The following INTS6 variants were observed in gnomAD, a reference collection of about 807,000 sequenced individuals.
INTS6 encodes DEAD box protein.
In INTS6, 16 loss-of-function variants were observed where a neutral mutation model predicts 104.9. The ratio of observed to expected loss-of-function variants is 0.15; its 90% confidence interval spans 0.10 to 0.23. The LOEUF (loss-of-function observed/expected upper bound fraction) is 0.23. Among genes scored for constraint, INTS6 ranks in the 10% least tolerant of loss-of-function variants. The pLI is 1.00. For synonymous variants in INTS6, 324 were observed against 358.7 expected (o/e 0.90, Z 1.09); for missense variants, 584 against 1,062.8 (o/e 0.55, Z 6.26).
Position 51,452,512 on chromosome 13 carries a change from A to T in INTS6, c.14T>A (p.Leu5Gln). Residue 5 changes from leucine to glutamine, a missense_variant, in exon 1 of 18, where the codon CTG (leucine) becomes CAG (glutamine). Leu to Gln is a moderately radical substitution (Grantham distance 113, BLOSUM62 -2). Around this residue, in one of 5 missense-constraint regions of INTS6, gnomAD observed 70 missense variants for 190.3 expected, o/e 0.37. Coordinates refer to ENST00000311234, the MANE Select transcript of INTS6 (RefSeq NM_012141.3). This position sits in a 1 kb window ranked among gnomAD's most constrained non-coding sequence, Gnocchi z 4.2. ...AGAGGCAGACGTGTCTATCAGGAACAGTAAGATGGGCATAGTGCTGGCCGG... is the reference window on the plus strand; with the variant it reads ...AGAGGCAGACGTGTCTATCAGGAACTGTAAGATGGGCATAGTGCTGGCCGG... MPILLFLIDTSASMN... is the reference protein window; with the variant it reads MPILQFLIDTSASMN... 1 of 1,611,118 alleles carries T rather than the reference A, an allele frequency of 6.2e-7. No homozygotes were observed. The highest frequency in any genetic ancestry group is 8.5e-7 in the Non-Finnish European group (1 of 1,178,098).
intron 10 of INTS6, 131 bp from the exon 11 acceptor site, chr13:51,379,703 T>C: frequency 2.1e-6 from 1 of 476,632 alleles, no homozygotes; most frequent in Non-Finnish European, 3.7e-6. Flanking sequence ...AGTAACACAA[T>C]CGTATTTATG....
At chr13:51,413,404 T>C (rs1956725809) in intron 4 of INTS6, among the ~76,000 whole-genome samples, 1 of 152,102 alleles carries the variant, frequency 6.6e-6, no homozygotes. Context: ...CTCCTTTTTG[T>C]ATTGTGATAG....
At chr13:51,353,725 G>GA (rs1955435499), downstream of INTS6, among the ~76,000 whole-genome samples, 1 of 152,136 alleles carries the variant, frequency 6.6e-6, no homozygotes, top group African/African-American at 2.4e-5. Flanking sequence ...ACCTTTATGA[G>GA]AAAGTATGAT....
At chr13:51,395,279 T>A in intron 5 of INTS6, 21 bp downstream of exon 5, 1 of 1,578,318 alleles carries the variant, frequency 6.3e-7, no homozygotes, top group Non-Finnish European at 8.6e-7. Context: ...GTTACCAAAT[T>A]ACTGCCAGCA....
chr13:51,366,580 T>C (rs565932135), intron 17 of INTS6, among the ~76,000 whole-genome samples: 93 of 152,102 alleles, frequency 6.1e-4, no homozygotes, highest in Non-Finnish European at 1.0e-3. Context: ...CACAACTCTC[T>C]AAAAGGTGGC....
Position 51,389,473 on chromosome 13 carries a change from GA to G in INTS6, c.614-30del, listed in dbSNP as rs757828230. The stretch of plus-strand genomic sequence containing the variant: ...AGATTAAAAAAAAGAAGAAGAAGAA[GA>G]AGAAGAATATAGTAAACTAGTTAGT... On this transcript the variant is annotated intron_variant, in intron 5 of 17. Coordinates refer to ENST00000311234, the MANE Select transcript of INTS6 (RefSeq NM_012141.3). 3.9e-6 allele frequency: 6 copies of G among 1,538,400 alleles called. No individual in the cohort carries two copies. The South Asian group carries it at 7.2e-5, about 19-fold the overall frequency.
intron 7 of INTS6, among the ~76,000 whole-genome samples, 169 bp downstream of exon 7, chr13:51,387,217 G>GAACC (rs1370765643): frequency 6.6e-6 from 1 of 152,166 alleles, no homozygotes; most frequent in Admixed American, 6.5e-5. Context: ...CAAAGTAACA[G>GAACC]GGTTATCATA....
At chr13:51,416,575 A>C (rs564868234) in intron 4 of INTS6, among the ~76,000 whole-genome samples, 7 of 152,328 alleles carry the variant, frequency 4.6e-5, no homozygotes, top group African/African-American at 1.2e-4. Context: ...TTAAGGCTGA[A>C]TAATATTCCA....
downstream of INTS6, among the ~76,000 whole-genome samples, chr13:51,357,149 G>T (rs983949982): frequency 6.6e-6 from 1 of 151,990 alleles, no homozygotes; most frequent in African/African-American, 2.4e-5. Context: ...TTTAATATCC[G>T]GCCCTTTATA....
chr13:51,415,064 C>T (rs1454733815), intron 4 of INTS6, among the ~76,000 whole-genome samples: 1 of 151,196 alleles, frequency 6.6e-6, no homozygotes, highest in Non-Finnish European at 1.5e-5. Context: ...ATAAGAAACT[C>T]ACAATTAAAG....
At chr13:51,338,652 C>G in the INTS6 span, among the ~76,000 whole-genome samples, 1 of 152,108 alleles carries the variant, frequency 6.6e-6, no homozygotes, top group African/African-American at 2.4e-5. Flanking sequence ...TAGAGAATAC[C>G]CTGTCCATTC....
chr13:51,420,326 T>C (rs1593740167), intron 4 of INTS6, among the ~76,000 whole-genome samples: 1 of 149,754 alleles, frequency 6.7e-6, no homozygotes, highest in Admixed American at 6.7e-5. Context: ...CTAATATAGG[T>C]GGTTCATTTA....
intron 7 of INTS6, chr13:51,384,189 T>C (rs1956099439): frequency 6.3e-6 from 1 of 159,692 alleles, no homozygotes; most frequent in South Asian, 1.8e-4. Context: ...ACAAAATATA[T>C]ACCAAAATGG....
intron 4 of INTS6, among the ~76,000 whole-genome samples, chr13:51,415,976 G>A (rs1956780178): frequency 1.3e-5 from 2 of 152,192 alleles, no homozygotes; most frequent in African/African-American, 4.8e-5. Flanking sequence ...CCAGGAAAGT[G>A]TAAACACAGA....
At chr13:51,387,069 A>G (rs1956153066) in intron 7 of INTS6, among the ~76,000 whole-genome samples, 2 of 152,194 alleles carry the variant, frequency 1.3e-5, no homozygotes, top group Admixed American at 1.3e-4. Context: ...TTTAAATCCT[A>G]AATTGTGTCC....
At chr13:51,400,085 G>C (rs1250130270) in intron 4 of INTS6, among the ~76,000 whole-genome samples, 3 of 152,164 alleles carry the variant, frequency 2.0e-5, no homozygotes, top group Non-Finnish European at 4.4e-5. Context: ...ATTGTGAACT[G>C]CACATGCAAG....
downstream of INTS6, among the ~76,000 whole-genome samples, chr13:51,349,097 G>A (rs143941721): frequency 5.9e-5 from 9 of 152,242 alleles, no homozygotes; most frequent in East Asian, 1.5e-3. Context: ...TAAATGATGA[G>A]CTTCTGTGAT....
chr13:51,353,660 A>G (rs1327330507), downstream of INTS6, among the ~76,000 whole-genome samples: 2 of 152,246 alleles, frequency 1.3e-5, no homozygotes, highest in Non-Finnish European at 2.9e-5. Flanking sequence ...AAATGTCAGC[A>G]TACTTGGAGA....
At chr13:51,434,299 T>C (rs1957147239) in intron 3 of INTS6, among the ~76,000 whole-genome samples, 1 of 152,176 alleles carries the variant, frequency 6.6e-6, no homozygotes, top group South Asian at 2.1e-4. Flanking sequence ...AAACACAATA[T>C]ATACTAATGT....
Sources: gnomAD v4.1 joint callset for allele counts (sites outside exome capture counted in the v4.1 genomes callset) on GRCh38, gnomAD v4.1.1 for gene constraint, gnomAD v4.1.1 regional missense constraint, Gnocchi (gnomAD v3.1) non-coding constraint, MANE v1.5 for transcripts, NCBI Gene and HGNC (gene_info 2026-07-23, HGNC 2026-07-21) for gene names.